The following PIGK variants were observed in gnomAD, a reference collection of about 807,000 sequenced individuals.
PIGK encodes the protein GPI-anchor transamidase.
PIGK carries 42 observed loss-of-function variants against 50.6 expected under a neutral mutation model. The observed-to-expected ratio is 0.83, with a 90% CI of 0.65 to 1.07. The LOEUF (loss-of-function observed/expected upper bound fraction) is 1.07, where lower values mean the gene tolerates loss of function less well. Ranked by LOEUF, PIGK falls within the 50% of genes least tolerant of loss-of-function variation. The probability of loss-of-function intolerance (pLI) is 0.00; values close to 1 mark genes in which losing one functional copy is unlikely to be tolerated. For synonymous variants in PIGK, 151 were observed against 156.0 expected, an observed-to-expected ratio of 0.97 and a Z score of 0.24; for missense variants, 448 against 488.7, an observed-to-expected ratio of 0.92 and a Z score of 0.78.
intron 8 of PIGK, among the ~76,000 whole-genome samples, chr1:77,160,535 T>C (rs1023484889): frequency 1.3e-5 from 2 of 152,184 alleles, no homozygotes; most frequent in African/African-American, 4.8e-5. Flanking sequence ...GCCTCTTTCA[T>C]TAGGAACAGC....
chr1:77,115,801 T>A (rs889138226), intron 10 of PIGK, among the ~76,000 whole-genome samples: 1 of 152,180 alleles, frequency 6.6e-6, no homozygotes, highest in South Asian at 2.1e-4. Context: ...TTTGTGCAGC[T>A]TATCTTAAAA....
chr1:77,110,564 A>C (rs1194277273), intron 10 of PIGK, among the ~76,000 whole-genome samples: 1 of 152,224 alleles, frequency 6.6e-6, no homozygotes, highest in Admixed American at 6.5e-5. Context: ...CATATGTAGA[A>C]AGCTGAAACT....
chr1:77,136,776 C>G (rs1006689984), intron 9 of PIGK, among the ~76,000 whole-genome samples: 2 of 152,100 alleles, frequency 1.3e-5, no homozygotes, highest in African/African-American at 4.8e-5. Flanking sequence ...ATTTTCTTCT[C>G]CCTGGAACTC....
rs1249562904 is a variant in PIGK, at chr1:77,091,092, C to A, written c.*1282G>T. 2 of 152,020 alleles carry A rather than the reference C, an allele frequency of 1.3e-5. No individual in the cohort carries two copies. Among genetic ancestry groups the A allele is most frequent in the African/African-American group, 4.8e-5 (2 of 41,404 alleles). 9.4% of individuals were successfully genotyped at this position (152,020 alleles called of 1,614,324 possible). On this transcript the variant is annotated 3_prime_UTR_variant, in exon 11 of 11. Coordinates refer to ENST00000370812, the MANE Select transcript of PIGK (RefSeq NM_005482.3). The stretch of plus-strand genomic sequence containing the variant: ...TTATAAACAAAATTTAAAAAAAAAT[C>A]TTTGCACTGAATAAAGATGAACACA...
At chr1:77,171,436 CAAAAAA>C (rs58788160) in intron 3 of PIGK, among the ~76,000 whole-genome samples, 1,065 of 46,848 alleles carry the variant, frequency 0.023, 8 homozygotes, top group Middle Eastern at 0.04. Context: ...GACTCCACCT[CAAAAAA>C]AAAAAAAAAA....
chr1:77,163,970 A>C (rs1355826660), intron 5 of PIGK, 28 bp from the exon 6 acceptor site: 1 of 1,289,290 alleles, frequency 7.8e-7, no homozygotes, highest in Non-Finnish European at 1.1e-6. Context: ...AAAGATCAAT[A>C]GATTTTTTAA....
intron 7 of PIGK, 60 bp from the exon 8 acceptor site, chr1:77,161,465 T>C (rs1437610573): frequency 1.8e-5 from 20 of 1,115,674 alleles, no homozygotes; most frequent in East Asian, 1.6e-4. Flanking sequence ...ATGTTTTAAA[T>C]GTAACCAAAA....
intron 10 of PIGK, among the ~76,000 whole-genome samples, chr1:77,111,101 G>A (rs535684077): frequency 6.6e-6 from 1 of 152,188 alleles, no homozygotes; most frequent in Non-Finnish European, 1.5e-5. Context: ...AAAAAGTCAG[G>A]AAACAACAGG....
rs958611518 is a variant in PIGK at position 77,163,959 on chromosome 1, A to G, written c.488-17T>C. 18 of 1,428,026 alleles carry G rather than the reference A, an allele frequency of 1.3e-5. No individual in the cohort carries two copies. The highest frequency in any genetic ancestry group is 1.6e-5 in the Non-Finnish European group (16 of 1,024,438). 88.5% of individuals were successfully genotyped at this position (1,428,026 alleles called of 1,614,324 possible). On this transcript the variant is annotated splice_polypyrimidine_tract_variant and intron_variant, in intron 5 of 10. Transcript: ENST00000370812. ...CACCATGCCCTTGTATAAAGAGTAA[A>G]AAAGATCAATAGATTTTTTAATGCA...
At chr1:77,104,745 G>C (rs1653625996) in intron 10 of PIGK, among the ~76,000 whole-genome samples, 1 of 152,178 alleles carries the variant, frequency 6.6e-6, no homozygotes, top group Admixed American at 6.5e-5. Context: ...TTGTGGGAGG[G>C]AGCATGTGAG....
intron 3 of PIGK, among the ~76,000 whole-genome samples, chr1:77,188,829 T>C (rs1027509700): frequency 6.6e-6 from 1 of 152,084 alleles, no homozygotes; most frequent in Non-Finnish European, 1.5e-5. Flanking sequence ...AAAGAACCTA[T>C]GTGATTATCG....
At chr1:77,112,822 C>G (rs527916452) in intron 10 of PIGK, among the ~76,000 whole-genome samples, 83 of 152,182 alleles carry the variant, frequency 5.5e-4, no homozygotes, top group African/African-American at 1.8e-3. Flanking sequence ...CATTTTCTCA[C>G]TTTCAGTACT....
intron 3 of PIGK, among the ~76,000 whole-genome samples, chr1:77,203,589 G>A (rs1656219368): frequency 6.6e-6 from 1 of 152,078 alleles, no homozygotes; most frequent in African/African-American, 2.4e-5. Flanking sequence ...TCAAATATTA[G>A]AAAATTCTGG....
chr1:77,148,070 A>G (rs1355976514), intron 9 of PIGK, among the ~76,000 whole-genome samples: 1 of 152,194 alleles, frequency 6.6e-6, no homozygotes, highest in Non-Finnish European at 1.5e-5. Flanking sequence ...CTAACTGTCA[A>G]TTTTAATAAC....
chr1:77,207,070 G>A (rs576892881), intron 2 of PIGK, among the ~76,000 whole-genome samples: 2 of 152,164 alleles, frequency 1.3e-5, no homozygotes, highest in Non-Finnish European at 2.9e-5. Flanking sequence ...GGGAGGCTGA[G>A]GCATGAGAAT....
intron 8 of PIGK, among the ~76,000 whole-genome samples, chr1:77,160,877 A>T: frequency 6.6e-6 from 1 of 152,200 alleles, no homozygotes; most frequent in Admixed American, 6.5e-5. Flanking sequence ...AAAGACTTAC[A>T]TTCAATTAGT....
intron 3 of PIGK, among the ~76,000 whole-genome samples, chr1:77,206,041 C>G (rs928726769): frequency 6.6e-6 from 1 of 152,036 alleles, no homozygotes; most frequent in Non-Finnish European, 1.5e-5. Context: ...ATAAGAGAGA[C>G]AGTAAGAAGT....
In PIGK at chr1:77,140,595, A is replaced by T. The variant is rs143191807; in HGVS notation, c.986+13854T>A. On this transcript the variant is annotated intron_variant, in intron 9 of 10. Coordinates refer to ENST00000370812, the MANE Select transcript of PIGK (RefSeq NM_005482.3). ...GTGGGTTTTTTCATATTTAGTGTTAACTCATGGGAACGTCATGTACTCTTT... is the reference window on the plus strand; with the variant it reads ...GTGGGTTTTTTCATATTTAGTGTTATCTCATGGGAACGTCATGTACTCTTT... 2.7e-3 allele frequency among the ~76,000 whole-genome samples: 418 copies of T among 152,236 alleles called. 1 individual carries two copies. The highest frequency in any genetic ancestry group is 9.3e-3 in the African/African-American group (385 of 41,540).
chr1:77,163,519 T>A (rs1005497572), intron 6 of PIGK, among the ~76,000 whole-genome samples: 1 of 152,042 alleles, frequency 6.6e-6, no homozygotes, highest in Non-Finnish European at 1.5e-5. Context: ...CTAGAAAGAA[T>A]AGGTACAAGT....
Sources: allele counts gnomAD v4.1 joint callset (sites outside exome capture counted in the v4.1 genomes callset), GRCh38; gene constraint gnomAD v4.1.1; transcripts MANE v1.5; gene names NCBI Gene and HGNC (gene_info 2026-07-23, HGNC 2026-07-21).